Variants in COG5 observed in about 807,000 individuals in gnomAD.
COG5 encodes the protein conserved oligomeric Golgi complex subunit 5.
In COG5, 86 loss-of-function variants were observed where a neutral mutation model predicts 110.4. The observed-to-expected ratio is 0.78, with a 90% CI of 0.65 to 0.93. COG5 has a LOEUF of 0.93. Ranked by LOEUF, COG5 falls within the 40% of genes least tolerant of loss-of-function variation. The pLI is 0.00. For synonymous variants in COG5, 360 were observed against 334.6 expected (o/e 1.08, Z -0.83); for missense variants, 1,077 against 987.0 (o/e 1.09, Z -1.22).
intron 8 of COG5, among the ~76,000 whole-genome samples, chr7:107,367,045 A>G (rs1454314818): frequency 6.6e-6 from 1 of 151,948 alleles, no homozygotes; most frequent in African/African-American, 2.4e-5. Flanking sequence ...TTTTTTTAAC[A>G]GTAATAAAAC....
At chr7:107,504,937 A>C (rs1798882164) in intron 6 of COG5, among the ~76,000 whole-genome samples, 3 of 151,912 alleles carry the variant, frequency 2.0e-5, no homozygotes, top group Admixed American at 6.6e-5. Context: ...TTTATCTCTC[A>C]AAGAGAGAAT....
chr7:107,554,654 G>C (rs1312793165), intron 2 of COG5, among the ~76,000 whole-genome samples: 1 of 152,052 alleles, frequency 6.6e-6, no homozygotes, highest in African/African-American at 2.4e-5. Flanking sequence ...ACAGTTCTGG[G>C]GTTTGGGAAG....
At chr7:107,242,728 C>G (rs1407506145) in intron 17 of COG5, among the ~76,000 whole-genome samples, 1 of 152,224 alleles carries the variant, frequency 6.6e-6, no homozygotes, top group Non-Finnish European at 1.5e-5. Context: ...CACTGCTTGT[C>G]ACCAGGAGAA....
chr7:107,207,819 T>C (rs766904326), intron 21 of COG5: 277 of 985,460 alleles, frequency 2.8e-4, no homozygotes, highest in Non-Finnish European at 3.3e-4. Context: ...AGAAAGCATC[T>C]GGTGTCAGAA....
chr7:107,211,071 A>T, intron 20 of COG5, 28 bp downstream of exon 20: 1 of 1,612,844 alleles, frequency 6.2e-7, no homozygotes, highest in South Asian at 1.1e-5. Context: ...GAGTCACAAA[A>T]GGGTTCTGGC....
In COG5 at chr7:107,210,614, T is replaced by C. The variant is rs1157747543; in HGVS notation, c.2296-9A>G. ...TGGGACCACTCTGCCCTCTGCAGGG[T>C]TGAAACACAATTAGAGAGAGTGCAT... On this transcript the variant is annotated splice_polypyrimidine_tract_variant and intron_variant, in intron 20 of 21. Transcript: ENST00000297135. 8.8e-6 allele frequency: 14 copies of C among 1,594,298 alleles called. No individual in the cohort carries two copies. Among genetic ancestry groups the C allele is most frequent in the Non-Finnish European group, 1.2e-5 (14 of 1,169,548 alleles).
chr7:107,264,915 T>C (rs1803677479), intron 14 of COG5, among the ~76,000 whole-genome samples: 1 of 151,734 alleles, frequency 6.6e-6, no homozygotes, highest in Non-Finnish European at 1.5e-5. Context: ...AGAAAGCAGA[T>C]ATGTCTATGC....
chr7:107,335,344 C>G (rs181688731), intron 10 of COG5, among the ~76,000 whole-genome samples: 2 of 152,026 alleles, frequency 1.3e-5, no homozygotes, highest in South Asian at 4.1e-4. Context: ...GAGCTGACAT[C>G]GCACCACTGC....
chr7:107,345,762 A>G (rs1584706943), intron 10 of COG5, among the ~76,000 whole-genome samples: 1 of 152,360 alleles, frequency 6.6e-6, no homozygotes, highest in South Asian at 2.1e-4. Flanking sequence ...ATTAAAAAAT[A>G]AACACAAGAA....
At chr7:107,419,555 A>G (rs1418480059) in intron 6 of COG5, among the ~76,000 whole-genome samples, 1 of 151,952 alleles carries the variant, frequency 6.6e-6, no homozygotes, top group African/African-American at 2.4e-5. Flanking sequence ...AAAAACACAT[A>G]AAGAATTTAT....
rs142458081 is a variant in COG5, at chr7:107,482,995, C to T, written c.538+44242G>A. Among the ~76,000 whole-genome samples the T allele has an allele frequency of 5.2e-3, 788 of 152,264 alleles. 3 individuals are homozygous for T. Among genetic ancestry groups the T allele is most frequent in the Middle Eastern group, 0.01 (3 of 294 alleles). On this transcript the variant is annotated intron_variant, in intron 6 of 21. Transcript: ENST00000297135. ...CTAAAATAAACTTGCAGTGAAAATA[C>T]TTACAAATTGTATTTTGTATGTTTT...
intron 12 of COG5, among the ~76,000 whole-genome samples, chr7:107,294,533 T>C (rs1806436317): frequency 6.6e-6 from 1 of 152,092 alleles, no homozygotes; most frequent in Admixed American, 6.6e-5. Flanking sequence ...TCTAAATCAA[T>C]GGTTTCTCAC....
At chr7:107,418,919 A>G (rs145917884) in intron 6 of COG5, among the ~76,000 whole-genome samples, 2,517 of 151,536 alleles carry the variant, frequency 0.017, 67 homozygotes, top group African/African-American at 0.057. Flanking sequence ...GGATTACAGG[A>G]GCATGCCACC....
intron 7 of COG5, among the ~76,000 whole-genome samples, chr7:107,397,458 A>T (rs1325495815): frequency 2.0e-5 from 3 of 152,018 alleles, no homozygotes; most frequent in Non-Finnish European, 4.4e-5. Flanking sequence ...CTTGCTGTTA[A>T]CAGTTCATAC....
chr7:107,374,016 T>C (rs73187352), intron 7 of COG5, among the ~76,000 whole-genome samples: 12,560 of 152,080 alleles, frequency 0.083, 726 homozygotes, highest in African/African-American at 0.16. Context: ...CAATACTCAT[T>C]TGAGTTTTTT....
chr7:107,380,794 C>A (rs1057078381), intron 7 of COG5, among the ~76,000 whole-genome samples: 1 of 152,146 alleles, frequency 6.6e-6, no homozygotes, highest in Admixed American at 6.5e-5. Flanking sequence ...AGGGATTCCT[C>A]CCTAACTCAT....
intron 6 of COG5, among the ~76,000 whole-genome samples, chr7:107,455,554 A>G (rs1795609199): frequency 6.6e-6 from 1 of 152,180 alleles, no homozygotes; most frequent in Admixed American, 6.5e-5. Context: ...AGAATATGTG[A>G]CACAGACTAT....
intron 5 of COG5, among the ~76,000 whole-genome samples, chr7:107,542,810 A>T (rs1802132633): frequency 6.6e-6 from 1 of 152,030 alleles, no homozygotes; most frequent in Non-Finnish European, 1.5e-5. Flanking sequence ...CTCTACTAAA[A>T]ACACAACAAA....
intron 14 of COG5, among the ~76,000 whole-genome samples, chr7:107,273,108 A>C (rs1371089481): frequency 6.6e-6 from 1 of 152,126 alleles, no homozygotes; most frequent in African/African-American, 2.4e-5. Flanking sequence ...CATGTCTCCA[A>C]TTCAGAACCC....
Sources: allele counts gnomAD v4.1 joint callset (sites outside exome capture counted in the v4.1 genomes callset), GRCh38; gene constraint gnomAD v4.1.1; transcripts MANE v1.5; gene names NCBI Gene and HGNC (gene_info 2026-07-23, HGNC 2026-07-21).